The following FOXN3 variants were observed in gnomAD, a reference collection of about 807,000 sequenced individuals.
FOXN3 encodes the protein forkhead box protein N3.
Under a neutral mutation model 38.4 loss-of-function variants are expected in FOXN3, and 7 were observed. That is an observed-to-expected ratio of 0.18 (90% CI 0.10 to 0.34). FOXN3 has a LOEUF of 0.34. Among genes scored for constraint, FOXN3 ranks in the 10% least tolerant of loss-of-function variants. The probability of loss-of-function intolerance (pLI) is 1.00; values close to 1 mark genes in which losing one functional copy is unlikely to be tolerated. For synonymous variants in FOXN3, 230 were observed against 242.2 expected, an observed-to-expected ratio of 0.95 and a Z score of 0.47; for missense variants, 456 against 613.4, an observed-to-expected ratio of 0.74 and a Z score of 2.71.
chr14:89,390,237 A>AT (rs1491035115), intron 2 of FOXN3, among the ~76,000 whole-genome samples: 7 of 146,732 alleles, frequency 4.8e-5, no homozygotes, highest in African/African-American at 1.8e-4. Flanking sequence ...AAAAAAAAAA[A>AT]ATATGCACTG....
At chr14:89,414,090 G>C (rs1053629808) in intron 1 of FOXN3, among the ~76,000 whole-genome samples, 1 of 152,070 alleles carries the variant, frequency 6.6e-6, no homozygotes, top group Admixed American at 6.6e-5. Flanking sequence ...TGAGGCAGGA[G>C]GATCCCTTGA....
chr14:89,599,305 A>G (rs941388061), intron 1 of FOXN3, among the ~76,000 whole-genome samples: 13 of 152,230 alleles, frequency 8.5e-5, no homozygotes, highest in African/African-American at 3.1e-4. Flanking sequence ...TTATGCAACC[A>G]TAACCATCAC....
rs1887157818 is a variant in FOXN3 at position 89,163,416 on chromosome 14, G to A, written c.852-447C>T. ...CTACATTAGGAGGCTTTTGTCAGAAGACTAAACCAGTGTTCAGCAAAGATA... is the reference window on the plus strand; with the variant it reads ...CTACATTAGGAGGCTTTTGTCAGAAAACTAAACCAGTGTTCAGCAAAGATA... On this transcript the variant is annotated intron_variant, in intron 5 of 5. Transcript: ENST00000557258. This position sits in a 1 kb window ranked among gnomAD's most constrained non-coding sequence, Gnocchi z 4.3. Among the ~76,000 whole-genome samples the A allele has an allele frequency of 6.6e-6, 1 of 152,186 alleles. No individual in the cohort carries two copies. The highest frequency in any genetic ancestry group is 1.9e-4 in the East Asian group (1 of 5,190).
At chr14:89,439,712 G>A (rs1005485490) in intron 1 of FOXN3, among the ~76,000 whole-genome samples, 5 of 147,668 alleles carry the variant, frequency 3.4e-5, no homozygotes, top group Non-Finnish European at 7.4e-5. Flanking sequence ...CTAGAGTGCA[G>A]TGGTGTGATC....
intron 1 of FOXN3, among the ~76,000 whole-genome samples, chr14:89,413,295 T>TC (rs918091569): frequency 1.3e-5 from 2 of 152,170 alleles, no homozygotes; most frequent in Admixed American, 6.5e-5. Flanking sequence ...AGGTTTTAAT[T>TC]CCCCCCACAA....
chr14:89,230,862 A>G (rs1884785768), intron 4 of FOXN3: 1 of 455,836 alleles, frequency 2.2e-6, no homozygotes, highest in Non-Finnish European at 4.4e-6. Flanking sequence ...GAAGGTTTTC[A>G]TTTTTCTGTT....
At chr14:89,309,019 T>C (rs181778575) in intron 3 of FOXN3, among the ~76,000 whole-genome samples, 55 of 152,310 alleles carry the variant, frequency 3.6e-4, no homozygotes, top group African/African-American at 1.3e-3. Context: ...GTCTGGGGCC[T>C]GTGTATGGGA....
intron 1 of FOXN3, among the ~76,000 whole-genome samples, chr14:89,456,097 G>A (rs1892716577): frequency 6.6e-6 from 1 of 151,842 alleles, no homozygotes; most frequent in African/African-American, 2.4e-5. Flanking sequence ...AGGAGGCTGA[G>A]GCAGGAGAAT....
intron 3 of FOXN3, among the ~76,000 whole-genome samples, chr14:89,281,349 G>A (rs745582356): frequency 1.8e-4 from 28 of 152,176 alleles, no homozygotes; most frequent in Non-Finnish European, 3.4e-4. Context: ...ATAATTTCAT[G>A]AATGTATGTG....
At chr14:89,292,327 G>A (rs1421654379) in intron 3 of FOXN3, among the ~76,000 whole-genome samples, 2 of 151,924 alleles carry the variant, frequency 1.3e-5, no homozygotes, top group Non-Finnish European at 2.9e-5. Flanking sequence ...ATTCTTTCCT[G>A]CACTCACAAA....
intron 1 of FOXN3, among the ~76,000 whole-genome samples, chr14:89,519,158 C>A (rs542112503): frequency 1.3e-5 from 2 of 152,120 alleles, no homozygotes; most frequent in Non-Finnish European, 2.9e-5. Context: ...GGAGGTCAGA[C>A]GAGTGGGCTA....
rs1211477617 is a variant in FOXN3, at chr14:89,341,580, T to A, written c.680+9092A>T. Among the ~76,000 whole-genome samples, 5 of 152,228 alleles carry A rather than the reference T, an allele frequency of 3.3e-5. No individual in the cohort carries two copies. The East Asian group carries it at 7.7e-4, about 23-fold the overall frequency. On this transcript the variant is annotated intron_variant, in intron 3 of 5. Coordinates refer to ENST00000557258, the MANE Select transcript of FOXN3 (RefSeq NM_005197.4). The stretch of plus-strand genomic sequence containing the variant: ...ATCTAGAAAATTTGCAAGTATTTAG[T>A]GTGACCAGAACTTGGAGAAGACAAA...
intron 1 of FOXN3, among the ~76,000 whole-genome samples, chr14:89,531,934 G>A (rs1894579392): frequency 6.6e-6 from 1 of 152,158 alleles, no homozygotes. Flanking sequence ...TCAGCCTCCT[G>A]AGTAGCTACG....
intron 1 of FOXN3, among the ~76,000 whole-genome samples, chr14:89,457,875 G>A (rs978094712): frequency 5.9e-5 from 9 of 152,036 alleles, no homozygotes; most frequent in South Asian, 2.1e-4. Context: ...TCAGCTGGGC[G>A]TGGTGGCACA....
At chr14:89,574,768 G>A (rs1895566899) in intron 1 of FOXN3, among the ~76,000 whole-genome samples, 1 of 152,144 alleles carries the variant, frequency 6.6e-6, no homozygotes, top group African/African-American at 2.4e-5. Flanking sequence ...CAAATGTTAG[G>A]AGACCTGGCT....
chr14:89,601,025 A>G lies in FOXN3; in HGVS notation c.-15+18003T>C, dbSNP rs115607355. Among the ~76,000 whole-genome samples, 463 of 152,286 alleles carry G rather than the reference A, an allele frequency of 3.0e-3. 2 individuals carry two copies. The highest frequency in any genetic ancestry group is 0.01 in the African/African-American group (427 of 41,544). ...CTGTCTTGGCTTCTGAGAGAGCTAG[A>G]TTTGCCTCCTGGGTCATCTTCTTAA... On this transcript the variant is annotated intron_variant, in intron 1 of 6. Coordinates refer to the FOXN3 transcript ENST00000345097.
chr14:89,515,291 A>G (rs1356961121), intron 1 of FOXN3, among the ~76,000 whole-genome samples: 1 of 152,138 alleles, frequency 6.6e-6, no homozygotes. Flanking sequence ...AGGGGAGGAA[A>G]AAGATTGACA....
In FOXN3 at chr14:89,250,712, G is replaced by A. The variant is rs115255968; in HGVS notation, c.745+30238C>T. ...TTGGCTGTGTCCCCACACAAATCTC[G>A]AATTGTAGTTCCCATAATTCCCATG... is the stretch of plus-strand genomic sequence containing the variant. On this transcript the variant is annotated intron_variant, in intron 4 of 5. Transcript: ENST00000557258. Among the ~76,000 whole-genome samples, 1,122 of 152,268 alleles carry A rather than the reference G, an allele frequency of 7.4e-3. 10 individuals carry two copies. The highest frequency in any genetic ancestry group is 0.026 in the African/African-American group (1,062 of 41,566).
chr14:89,301,288 T>C (rs1305371324), intron 3 of FOXN3, among the ~76,000 whole-genome samples: 1 of 144,542 alleles, frequency 6.9e-6, no homozygotes, highest in African/African-American at 2.6e-5. Context: ...TTGGGTAACA[T>C]AGGGAGATCC....
Sources: allele counts gnomAD v4.1 joint callset (sites outside exome capture counted in the v4.1 genomes callset), GRCh38; gene constraint gnomAD v4.1.1; non-coding constraint Gnocchi (gnomAD v3.1); transcripts MANE v1.5; gene names NCBI Gene and HGNC (gene_info 2026-07-23, HGNC 2026-07-21).